Variants in METTL22 observed in about 807,000 individuals in gnomAD.
The protein encoded by METTL22 is methyltransferase 22, Kin17 lysine, also known as methyltransferase-like protein 22.
In METTL22, 51 loss-of-function variants were observed where a neutral mutation model predicts 48.4. The observed-to-expected ratio is 1.05, with a 90% CI of 0.84 to 1.33. The LOEUF is 1.33. Among genes scored for constraint, METTL22 ranks in the 40% most tolerant of loss-of-function variants. The pLI, the probability that METTL22 is intolerant of heterozygous loss-of-function variation, is 0.00. For synonymous variants in METTL22, 255 were observed against 214.1 expected, an observed-to-expected ratio of 1.19 and a Z score of -1.67; for missense variants, 678 against 526.9, an observed-to-expected ratio of 1.29 and a Z score of -2.81.
chr16:8,646,480 G>C lies in METTL22; in HGVS notation c.*337G>C. On this transcript the variant is annotated 3_prime_UTR_variant, in exon 11 of 11. Coordinates refer to ENST00000381920, the MANE Select transcript of METTL22 (RefSeq NM_024109.4). Reference sequence around the variant, plus strand: ...TGCTTTACTTGCGGTTGCGGCCCTGGCTGTGAGGTGGATTCTTGTACTGCC... The same window carrying C: ...TGCTTTACTTGCGGTTGCGGCCCTGCCTGTGAGGTGGATTCTTGTACTGCC... The C allele has an allele frequency of 1.8e-6, 1 of 556,842 alleles. No individual in the cohort carries two copies. Among genetic ancestry groups the C allele is most frequent in the South Asian group, 1.5e-5 (1 of 65,420 alleles). The allele number at this position is 556,842 out of a possible 1,614,324, so 34.5% of individuals were successfully genotyped here. A position where few individuals can be genotyped will look rare whatever the true frequency, so the allele number is the denominator to read the frequency against.
rs375819057 is a variant in METTL22 at position 8,644,714 on chromosome 16, C to T, written c.1168C>T (p.Leu390Phe). 2 of 1,589,746 alleles carry T rather than the reference C, an allele frequency of 1.3e-6. No homozygotes were observed. The highest frequency in any genetic ancestry group is 1.8e-5 in the Admixed American group (1 of 56,446). Residue 390 changes from leucine (L) to phenylalanine (F), a missense_variant, in exon 10 of 11, where the codon CTC becomes TTC. Physicochemically the swap from Leu to Phe is conservative, Grantham distance 22. Coordinates refer to ENST00000381920, the MANE Select transcript of METTL22 (RefSeq NM_024109.4). ...CCCACAGCTCCTGGTTTACGAGCGC[C>T]TCCAGCAACTGGTAGGTCCAGGCCC... is the stretch of plus-strand genomic sequence containing the variant. ...SFPQLLVYER[L>F]QQLELWKIIA...
At chr16:8,660,174 G>GTTTTT in the METTL22 span, among the ~76,000 whole-genome samples, 1 of 95,016 alleles carries the variant, frequency 1.1e-5, no homozygotes, top group South Asian at 3.6e-4. Flanking sequence ...TTTTGTTTTT[G>GTTTTT]TTTTTTTGTT....
chr16:8,638,771 T>G (rs559131747), intron 5 of METTL22, among the ~76,000 whole-genome samples: 2 of 152,260 alleles, frequency 1.3e-5, no homozygotes, highest in East Asian at 3.9e-4. Context: ...AGCTCCTGTG[T>G]GGCCATAAAC....
At chr16:8,644,851 C>T (rs1730998) in intron 10 of METTL22, 126 bp downstream of exon 10, 1,028,505 of 1,031,462 alleles carry the variant, frequency 1, 512,842 homozygotes, top group East Asian at 1. Context: ...GGGGGTGAAG[C>T]CTGCGTGCCT....
chr16:8,625,814 C>G lies in METTL22; in HGVS notation c.133+16C>G. ...GGGCAGCCAGGTAAGGTCCTGGGCC[C>G]AGGTGCCCTGCGGATCCTATTTTGT... On this transcript the variant is annotated intron_variant, in intron 2 of 10. Transcript: ENST00000381920. The G allele has an allele frequency of 1.2e-6, 2 of 1,612,992 alleles. No individual in the cohort carries two copies. Among genetic ancestry groups the G allele is most frequent in the East Asian group, 2.2e-5 (1 of 44,866 alleles).
At chr16:8,632,970 C>T (rs1451025397) in intron 3 of METTL22, among the ~76,000 whole-genome samples, 1 of 152,180 alleles carries the variant, frequency 6.6e-6, no homozygotes, top group South Asian at 2.1e-4. Flanking sequence ...CCCCTGGCAG[C>T]AGGAACCCTT....
chr16:8,628,919 G>T lies in METTL22; in HGVS notation c.323G>T (p.Gly108Val), dbSNP rs199694343. Residue 108 changes from glycine to valine, a missense_variant, in exon 3 of 11, where the codon GGC (glycine) becomes GTC (valine). By Grantham distance (109) the Gly-to-Val change is moderately radical (BLOSUM62 -3). Coordinates refer to ENST00000381920, the MANE Select transcript of METTL22 (RefSeq NM_024109.4). ...FSLQAGTDTTGQEVAEAQLDE... is the reference protein window; with the variant it reads ...FSLQAGTDTTVQEVAEAQLDE... ...CTCCAGGCCGGGACTGACACCACTG[G>T]CCAGGAAGTGGCTGAAGCTCAGCTG... The T allele has an allele frequency of 1.6e-4, 252 of 1,614,052 alleles. No individual in the cohort carries two copies. In the Admixed American group the frequency reaches 1.9e-3, roughly 12 times the overall value.
intron 2 of METTL22, among the ~76,000 whole-genome samples, chr16:8,626,189 T>G (rs1039399138): frequency 6.6e-6 from 1 of 152,112 alleles, no homozygotes; most frequent in African/African-American, 2.4e-5. Context: ...GCTGGAGTCT[T>G]GCTAGCCCAG....
chr16:8,626,039 C>T (rs1482024772), intron 2 of METTL22, among the ~76,000 whole-genome samples: 2 of 152,160 alleles, frequency 1.3e-5, no homozygotes, highest in South Asian at 2.1e-4. Flanking sequence ...CTCTGTCACC[C>T]AGTCTGGAGT....
At chr16:8,636,951 G>A (rs1355529208) in intron 5 of METTL22, among the ~76,000 whole-genome samples, 1 of 152,212 alleles carries the variant, frequency 6.6e-6, no homozygotes, top group Non-Finnish European at 1.5e-5. Context: ...TGGCTCCCCA[G>A]TGGTGACATC....
chr16:8,629,737 C>G (rs1474159001), intron 3 of METTL22, among the ~76,000 whole-genome samples: 1 of 152,040 alleles, frequency 6.6e-6, no homozygotes, highest in South Asian at 2.1e-4. Context: ...GGTATGGGGG[C>G]AGAGCAGAGG....
chr16:8,666,453 C>G, the METTL22 span, among the ~76,000 whole-genome samples: 1 of 152,178 alleles, frequency 6.6e-6, no homozygotes, highest in Non-Finnish European at 1.5e-5. Flanking sequence ...TCTAGGAGAA[C>G]CCAAACTACA....
Position 8,635,370 on chromosome 16 carries a change from G to T in METTL22, c.700+58G>T. 3 of 1,477,992 alleles carry T rather than the reference G, an allele frequency of 2.0e-6. No individual in the cohort carries two copies. In the South Asian group the frequency reaches 4.2e-5, roughly 21 times the overall value. The allele number at this position is 1,477,992 out of a possible 1,614,324, so 91.6% of individuals were successfully genotyped here. On this transcript the variant is annotated intron_variant, in intron 5 of 10. Coordinates refer to ENST00000381920, the MANE Select transcript of METTL22 (RefSeq NM_024109.4). ...TAGTCACCTTCACAAAGCATGCACT[G>T]ACTGTATAAAAAAAGAGGCAGAGGC... is the stretch of plus-strand genomic sequence containing the variant.
At chr16:8,659,914 C>G in the METTL22 span, among the ~76,000 whole-genome samples, 1 of 151,910 alleles carries the variant, frequency 6.6e-6, no homozygotes, top group African/African-American at 2.4e-5. Flanking sequence ...CTTGTAGAGA[C>G]GGGGTCTCAC....
chr16:8,662,747 T>C, the METTL22 span, among the ~76,000 whole-genome samples: 8 of 144,214 alleles, frequency 5.5e-5, 1 homozygote, highest in African/African-American at 2.1e-4. Flanking sequence ...GGTTAGAACA[T>C]GGCACCTGGC....
At chr16:8,659,322 A>G in the METTL22 span, among the ~76,000 whole-genome samples, 38,392 of 143,560 alleles carry the variant, frequency 0.27, 5,819 homozygotes, top group African/African-American at 0.45. Flanking sequence ...CAGAATGAGG[A>G]AAAAAAAAAA....
chr16:8,641,344 C>G (rs2056611596), intron 7 of METTL22, 160 bp downstream of exon 7: 1 of 724,242 alleles, frequency 1.4e-6, no homozygotes, highest in East Asian at 2.7e-5. Flanking sequence ...TGAGCACCAG[C>G]TGTCATTCTC....
chr16:8,652,864 C>G (rs1291861762), downstream of METTL22, among the ~76,000 whole-genome samples: 1 of 152,048 alleles, frequency 6.6e-6, no homozygotes, highest in Non-Finnish European at 1.5e-5. Flanking sequence ...GCCATGTGTC[C>G]CCTGAATGGG....
At chr16:8,650,414 C>A (rs886291323), downstream of METTL22, among the ~76,000 whole-genome samples, 1 of 152,242 alleles carries the variant, frequency 6.6e-6, no homozygotes, top group African/African-American at 2.4e-5. Flanking sequence ...TGACCTTGGA[C>A]AAATGACCTA....
Sources: gnomAD v4.1 joint callset for allele counts (sites outside exome capture counted in the v4.1 genomes callset) on GRCh38, gnomAD v4.1.1 for gene constraint, MANE v1.5 for transcripts, NCBI Gene and HGNC (gene_info 2026-07-23, HGNC 2026-07-21) for gene names.